The following MYO5A variants were observed in gnomAD, a reference collection of about 807,000 sequenced individuals.
The protein encoded by MYO5A is unconventional myosin-Va.
In MYO5A, 98 loss-of-function variants were observed where a neutral mutation model predicts 249.7. The ratio of observed to expected loss-of-function variants is 0.39; its 90% CI spans 0.33 to 0.46. The LOEUF (loss-of-function observed/expected upper bound fraction) is 0.46, where lower values mean the gene tolerates loss of function less well. MYO5A is among the 20% of genes least tolerant of loss of function. The probability of loss-of-function intolerance (pLI) is 0.98; values close to 1 mark genes in which losing one functional copy is unlikely to be tolerated. For synonymous variants in MYO5A, 778 were observed against 810.6 expected (o/e 0.96, Z 0.68); for missense variants, 1,696 against 2,308.8 (o/e 0.73, Z 5.44).
chr15:52,472,581 C>G (rs28761013), intron 1 of MYO5A, among the ~76,000 whole-genome samples: 2,814 of 152,184 alleles, frequency 0.018, 61 homozygotes, highest in African/African-American at 0.053. Flanking sequence ...TGTGATGTAC[C>G]CCATCCTGTG....
chr15:52,496,635 A>G (rs1290038374), intron 1 of MYO5A, among the ~76,000 whole-genome samples: 1 of 152,248 alleles, frequency 6.6e-6, no homozygotes, highest in Non-Finnish European at 1.5e-5. Context: ...TGACATTATC[A>G]TGAAGGACGC....
intron 1 of MYO5A, among the ~76,000 whole-genome samples, chr15:52,491,022 G>A (rs1277022269): frequency 6.6e-6 from 1 of 152,050 alleles, no homozygotes; most frequent in South Asian, 2.1e-4. Context: ...GCCTGGCCTG[G>A]TTGTACAACA....
chr15:52,314,024 T>C (rs1228190437), intron 41 of MYO5A, 99 bp downstream of exon 41: 2 of 1,313,352 alleles, frequency 1.5e-6, no homozygotes. Flanking sequence ...CATTGTAAAA[T>C]AAGATAATAA....
chr15:52,329,565 C>T (rs1596298813), intron 35 of MYO5A, among the ~76,000 whole-genome samples: 1 of 152,168 alleles, frequency 6.6e-6, no homozygotes, highest in East Asian at 1.9e-4. Flanking sequence ...CTGTCCATTC[C>T]TTCCTTTGTT....
chr15:52,349,838 G>A (rs1183204713), intron 28 of MYO5A, among the ~76,000 whole-genome samples: 1 of 152,076 alleles, frequency 6.6e-6, no homozygotes, highest in East Asian at 1.9e-4. Flanking sequence ...GGAACCAACT[G>A]TGACAGCCCT....
intron 16 of MYO5A, among the ~76,000 whole-genome samples, chr15:52,380,506 G>A (rs988604277): frequency 2.6e-5 from 4 of 151,928 alleles, no homozygotes; most frequent in East Asian, 1.9e-4. Context: ...AGTGGCTCAC[G>A]CCTGTAATCC....
At chr15:52,341,175 A>C (rs565752583) in intron 31 of MYO5A, among the ~76,000 whole-genome samples, 9 of 152,330 alleles carry the variant, frequency 5.9e-5, no homozygotes, top group African/African-American at 2.2e-4. Context: ...AATTCCAGGC[A>C]GAGGGAATTA....
chr15:52,397,117 C>G, intron 10 of MYO5A, 84 bp downstream of exon 10: 1 of 1,501,624 alleles, frequency 6.7e-7, no homozygotes, highest in Non-Finnish European at 9.2e-7. Context: ...CAGTAGGAAA[C>G]AGAATCAAAT....
At chr15:52,364,773 T>G (rs2040729823) in intron 23 of MYO5A, 71 bp from the exon 24 acceptor site, 1 of 1,551,980 alleles carries the variant, frequency 6.4e-7, no homozygotes, top group East Asian at 2.2e-5. Flanking sequence ...ACATGTATAC[T>G]GATTTCCAGT....
intron 18 of MYO5A, among the ~76,000 whole-genome samples, chr15:52,379,005 C>T (rs2041591641): frequency 6.6e-6 from 1 of 152,170 alleles, no homozygotes; most frequent in African/African-American, 2.4e-5. Context: ...CTCTACTGTC[C>T]CATACACAAA....
intron 31 of MYO5A, among the ~76,000 whole-genome samples, chr15:52,342,066 A>G (rs1346433892): frequency 2.0e-5 from 3 of 152,224 alleles, no homozygotes; most frequent in African/African-American, 4.8e-5. Context: ...ATAATAATAT[A>G]TAAGAAGGTA....
intron 30 of MYO5A, among the ~76,000 whole-genome samples, chr15:52,344,399 G>A (rs183079017): frequency 5.3e-5 from 8 of 152,056 alleles, no homozygotes; most frequent in Non-Finnish European, 1.0e-4. Flanking sequence ...CCAGTCCCAC[G>A]ATCACAAAAC....
At chr15:52,464,111 A>G (rs566418839) in intron 1 of MYO5A, among the ~76,000 whole-genome samples, 32 of 152,280 alleles carry the variant, frequency 2.1e-4, no homozygotes, top group Non-Finnish European at 3.5e-4. Context: ...TGCCTCAGAG[A>G]GTTGTGATGC....
intron 11 of MYO5A, among the ~76,000 whole-genome samples, chr15:52,393,134 C>A (rs1400348995): frequency 6.6e-6 from 1 of 152,198 alleles, no homozygotes; most frequent in Non-Finnish European, 1.5e-5. Context: ...GACTGCTACT[C>A]ATTCTTGGGG....
intron 1 of MYO5A, among the ~76,000 whole-genome samples, chr15:52,490,951 G>A (rs570298725): frequency 9.9e-5 from 15 of 152,004 alleles, no homozygotes; most frequent in Admixed American, 3.3e-4. Flanking sequence ...GAACTCCTGC[G>A]CTCAAGGGAT....
chr15:52,321,623 T>C, intron 37 of MYO5A, 114 bp from the exon 38 acceptor site: 1 of 1,150,608 alleles, frequency 8.7e-7, no homozygotes, highest in South Asian at 1.2e-5. Context: ...CCAAGGAGCT[T>C]CCCCACTAAT....
intron 1 of MYO5A, among the ~76,000 whole-genome samples, chr15:52,486,264 G>A (rs1276741011): frequency 2.0e-5 from 3 of 152,252 alleles, no homozygotes; most frequent in South Asian, 2.1e-4. Flanking sequence ...AAAGAGCCAC[G>A]TCCATTTTAA....
At chr15:52,513,098 T>C (rs762254207) in intron 1 of MYO5A, among the ~76,000 whole-genome samples, 2 of 150,840 alleles carry the variant, frequency 1.3e-5, no homozygotes, top group Non-Finnish European at 2.9e-5. Flanking sequence ...GCCAAGACAG[T>C]AGGTTTAGAA....
chr15:52,339,985 G>A (rs553758168), intron 32 of MYO5A, among the ~76,000 whole-genome samples: 3 of 152,312 alleles, frequency 2.0e-5, no homozygotes, highest in East Asian at 1.9e-4. Flanking sequence ...CTAAGAGCAC[G>A]CAGCCCTCCG....
Sources: gnomAD v4.1 joint callset for allele counts (sites outside exome capture counted in the v4.1 genomes callset) on GRCh38, gnomAD v4.1.1 for gene constraint, MANE v1.5 for transcripts, NCBI Gene and HGNC (gene_info 2026-07-23, HGNC 2026-07-21) for gene names.